The following BAALC variants were observed in gnomAD, a reference collection of about 807,000 sequenced individuals.
The protein encoded by BAALC is BAALC binder of MAP3K1 and KLF4, also known as brain and acute leukemia cytoplasmic protein.
A neutral mutation model predicts 15.5 loss-of-function variants in BAALC; 9 were observed. That is an observed-to-expected ratio of 0.58 (90% confidence interval 0.35 to 1.02). The LOEUF is 1.02. Among genes scored for constraint, BAALC ranks in the 50% least tolerant of loss-of-function variants. The probability of loss-of-function intolerance (pLI) is 0.02; values close to 1 mark genes in which losing one functional copy is unlikely to be tolerated. For synonymous variants in BAALC, 80 were observed against 74.6 expected, an observed-to-expected ratio of 1.07 and a Z score of -0.37; for missense variants, 201 against 192.4, an observed-to-expected ratio of 1.04 and a Z score of -0.27.
chr8:103,149,398 G>T (rs904546047), intron 1 of BAALC, among the ~76,000 whole-genome samples: 1 of 152,200 alleles, frequency 6.6e-6, no homozygotes, highest in Admixed American at 6.5e-5. Context: ...CATTAAACAG[G>T]AACAGTCTTT....
rs186049578 is a variant in BAALC at position 103,146,498 on chromosome 8, A to T, written c.160+5441A>T. Among the ~76,000 whole-genome samples the T allele has an allele frequency of 3.6e-3, 547 of 152,334 alleles. 6 individuals are homozygous for T. The highest frequency in any genetic ancestry group is 0.013 in the African/African-American group (521 of 41,582). On this transcript the variant is annotated intron_variant, in intron 1 of 2. Transcript: ENST00000309982. ...GATGACTGTTAGGTTTGGTAAGGCA[A>T]GGGTTCTGTTGGGTTAGATAAGGTT...
At chr8:103,159,237 A>G (rs1021155134) in intron 1 of BAALC, among the ~76,000 whole-genome samples, 13 of 152,162 alleles carry the variant, frequency 8.5e-5, no homozygotes, top group Non-Finnish European at 1.0e-4. Flanking sequence ...TGTGATGTTA[A>G]GATTGGCTTA....
chr8:103,203,743 G>A (rs1355221090), intron 1 of BAALC, among the ~76,000 whole-genome samples: 12 of 152,144 alleles, frequency 7.9e-5, no homozygotes, highest in Non-Finnish European at 1.2e-4. Flanking sequence ...CATCAATGTC[G>A]TAGTATATAT....
At chr8:103,184,074 G>A (rs1408955355) in intron 1 of BAALC, among the ~76,000 whole-genome samples, 1 of 152,092 alleles carries the variant, frequency 6.6e-6, no homozygotes, top group Admixed American at 6.5e-5. Context: ...TTTGTTCATG[G>A]CCCTTCCTTC....
chr8:103,222,098 G>C (rs1453551535), intron 2 of BAALC, among the ~76,000 whole-genome samples: 1 of 152,166 alleles, frequency 6.6e-6, no homozygotes, highest in Non-Finnish European at 1.5e-5. Context: ...CTAAAGACCT[G>C]GGATCTGCAG....
In BAALC at chr8:103,150,124, T is replaced by G. The variant is rs149929803; in HGVS notation, c.160+9067T>G. 6.9e-4 allele frequency among the ~76,000 whole-genome samples: 105 copies of G among 152,244 alleles called. 1 individual carries two copies. Among genetic ancestry groups the G allele is most frequent in the African/African-American group, 2.5e-3 (102 of 41,530 alleles). On this transcript the variant is annotated intron_variant, in intron 1 of 2. Coordinates refer to ENST00000309982, the MANE Select transcript of BAALC (RefSeq NM_024812.3). ...ATGGCAGCAGACAAGAGAAGAGAGC[T>G]TGTGCAGGGAAACTCCCCTTTATAA...
chr8:103,211,851 G>T (rs1338944677), intron 1 of BAALC, among the ~76,000 whole-genome samples: 1 of 152,100 alleles, frequency 6.6e-6, no homozygotes, highest in East Asian at 1.9e-4. Context: ...CTCTATTGTT[G>T]CTGACTGGCC....
At chr8:103,188,114 T>A (rs1811885435) in intron 1 of BAALC, among the ~76,000 whole-genome samples, 1 of 152,140 alleles carries the variant, frequency 6.6e-6, no homozygotes, top group East Asian at 1.9e-4. Flanking sequence ...TGGGTTCAAG[T>A]CACCTGATGT....
intron 1 of BAALC, among the ~76,000 whole-genome samples, chr8:103,194,468 A>C (rs1812046008): frequency 6.6e-6 from 1 of 152,230 alleles, no homozygotes; most frequent in African/African-American, 2.4e-5. Flanking sequence ...TCATTGTAAC[A>C]AATAAGAATC....
At chr8:103,181,055 C>A (rs1811716423) in intron 1 of BAALC, among the ~76,000 whole-genome samples, 1 of 151,254 alleles carries the variant, frequency 6.6e-6, no homozygotes, top group African/African-American at 2.5e-5. Context: ...GGTTTTGAGG[C>A]CTTTCAGAAT....
At chr8:103,224,418 G>A (rs1465205961) in intron 2 of BAALC, among the ~76,000 whole-genome samples, 3 of 149,216 alleles carry the variant, frequency 2.0e-5, no homozygotes, top group African/African-American at 7.4e-5. Flanking sequence ...ACTCAAAGCA[G>A]AGTGGGCGGG....
At chr8:103,185,229 C>T (rs949217558) in intron 1 of BAALC, among the ~76,000 whole-genome samples, 16 of 152,088 alleles carry the variant, frequency 1.1e-4, no homozygotes, top group Non-Finnish European at 1.0e-4. Flanking sequence ...GGTCTCTGCT[C>T]ATTCCTGTCT....
Position 103,195,198 on chromosome 8 carries a change from T to G in BAALC, c.161-17721T>G, listed in dbSNP as rs778519295. ...CCTTCCCAGCAGCGAAGTAGCCATCTGTGGCAAGAGGGAAGGAAAGCCCTA... is the reference window on the plus strand; with the variant it reads ...CCTTCCCAGCAGCGAAGTAGCCATCGGTGGCAAGAGGGAAGGAAAGCCCTA... On this transcript the variant is annotated intron_variant, in intron 1 of 2. Transcript: ENST00000309982. 4.3e-4 allele frequency among the ~76,000 whole-genome samples: 65 copies of G among 152,266 alleles called. 1 individual carries two copies. The Middle Eastern group carries it at 0.017, about 40-fold the overall frequency.
chr8:103,188,995 T>C (rs543101911), intron 1 of BAALC, among the ~76,000 whole-genome samples: 1 of 152,350 alleles, frequency 6.6e-6, no homozygotes, highest in South Asian at 2.1e-4. Flanking sequence ...TGCAATACTA[T>C]TTTTAAATAT....
At chr8:103,174,132 G>C (rs1159915911) in intron 1 of BAALC, among the ~76,000 whole-genome samples, 3 of 152,132 alleles carry the variant, frequency 2.0e-5, no homozygotes, top group Middle Eastern at 3.2e-3. Context: ...GAAGCTGATA[G>C]CTGCTCAGAC....
chr8:103,190,085 A>G (rs1175657288), intron 1 of BAALC, among the ~76,000 whole-genome samples: 1 of 152,114 alleles, frequency 6.6e-6, no homozygotes, highest in Non-Finnish European at 1.5e-5. Flanking sequence ...AAGGGAAGGG[A>G]AATGATAGGC....
chr8:103,221,745 T>TC (rs1812681829), intron 2 of BAALC, among the ~76,000 whole-genome samples: 1 of 152,236 alleles, frequency 6.6e-6, no homozygotes, highest in East Asian at 1.9e-4. Context: ...TCTTTCTCTC[T>TC]CTTGCTTGGG....
intron 1 of BAALC, among the ~76,000 whole-genome samples, chr8:103,173,168 G>T (rs1163052293): frequency 6.6e-6 from 1 of 152,174 alleles, no homozygotes; most frequent in Non-Finnish European, 1.5e-5. Flanking sequence ...GGTGACGCCA[G>T]CTTTAGCCAT....
At chr8:103,178,673 A>G (rs1417782773) in intron 1 of BAALC, among the ~76,000 whole-genome samples, 1 of 152,168 alleles carries the variant, frequency 6.6e-6, no homozygotes, top group East Asian at 1.9e-4. Context: ...CCTGGCCAAC[A>G]TGGTGAAACC....
Sources: allele counts gnomAD v4.1 joint callset (sites outside exome capture counted in the v4.1 genomes callset), GRCh38; gene constraint gnomAD v4.1.1; transcripts MANE v1.5; gene names NCBI Gene and HGNC (gene_info 2026-07-23, HGNC 2026-07-21).